WDFY2: variants seen among roughly 807,000 people sequenced by gnomAD.
WDFY2 encodes the protein WD repeat and FYVE domain-containing protein 2.
In WDFY2, 36 loss-of-function variants were observed where a neutral mutation model predicts 56.4. The ratio of observed to expected loss-of-function variants is 0.64; its 90% CI spans 0.49 to 0.84. WDFY2 has a LOEUF of 0.84. WDFY2 is among the 40% of genes least tolerant of loss of function. The probability of loss-of-function intolerance (pLI) is 0.00; values close to 1 mark genes in which losing one functional copy is unlikely to be tolerated. For synonymous variants in WDFY2, 176 were observed against 183.7 expected, an observed-to-expected ratio of 0.96 and a Z score of 0.34; for missense variants, 444 against 512.2, an observed-to-expected ratio of 0.87 and a Z score of 1.29.
intron 7 of WDFY2, among the ~76,000 whole-genome samples, chr13:51,744,943 T>C (rs1359026668): frequency 6.6e-6 from 1 of 152,224 alleles, no homozygotes; most frequent in African/African-American, 2.4e-5. Flanking sequence ...AGCTTTATTA[T>C]CAAACTTGGA....
rs1036563168 is a variant in WDFY2, at chr13:51,759,865, T to A, written c.*96T>A. On this transcript the variant is annotated 3_prime_UTR_variant, in exon 12 of 12. Coordinates refer to ENST00000298125, the MANE Select transcript of WDFY2 (RefSeq NM_052950.4). ...AGTGGTAAAGCAGACATGTGAGAAG[T>A]AAGAAAGAAACTAAAGACCCTGAAT... The A allele has an allele frequency of 2.5e-5, 35 of 1,374,438 alleles. No homozygotes were observed. Among genetic ancestry groups the A allele is most frequent in the African/African-American group, 2.2e-4 (15 of 68,974 alleles). 85.1% of individuals were successfully genotyped at this position (1,374,438 alleles called of 1,614,324 possible). A position where few individuals can be genotyped will look rare whatever the true frequency, so the allele number is the denominator to read the frequency against.
intron 3 of WDFY2, among the ~76,000 whole-genome samples, chr13:51,688,916 A>G (rs1181016590): frequency 1.3e-5 from 2 of 152,164 alleles, no homozygotes; most frequent in Admixed American, 6.5e-5. Flanking sequence ...TTGTGTATAA[A>G]TGTTATTTAA....
chr13:51,673,696 A>G (rs1262428511), intron 2 of WDFY2, among the ~76,000 whole-genome samples: 2 of 152,174 alleles, frequency 1.3e-5, no homozygotes, highest in African/African-American at 2.4e-5. Flanking sequence ...TTAATATTGT[A>G]TAGAAATTGT....
chr13:51,678,768 A>G (rs1014003263), intron 3 of WDFY2, among the ~76,000 whole-genome samples: 12 of 152,202 alleles, frequency 7.9e-5, no homozygotes, highest in Admixed American at 2.6e-4. Context: ...TTTCATTTTT[A>G]TGAAAAATGA....
chr13:51,632,212 C>T (rs1388784269), intron 1 of WDFY2, among the ~76,000 whole-genome samples: 1 of 151,790 alleles, frequency 6.6e-6, no homozygotes, highest in Non-Finnish European at 1.5e-5. Flanking sequence ...GGTGGAGGAG[C>T]GGATGTCTAT....
intron 3 of WDFY2, among the ~76,000 whole-genome samples, chr13:51,689,627 A>T (rs1464938894): frequency 1.3e-5 from 2 of 152,140 alleles, no homozygotes; most frequent in Admixed American, 6.6e-5. Context: ...CCTTCCCCCA[A>T]CTTTTTAAAA....
chr13:51,751,442 G>A, intron 8 of WDFY2, 27 bp downstream of exon 8: 1 of 1,605,510 alleles, frequency 6.2e-7, no homozygotes, highest in African/African-American at 1.3e-5. Context: ...GGTGGGGTGG[G>A]CCCTGTGGTT....
intron 7 of WDFY2, among the ~76,000 whole-genome samples, chr13:51,742,866 T>C (rs1953005912): frequency 6.6e-6 from 1 of 152,226 alleles, no homozygotes; most frequent in African/African-American, 2.4e-5. Flanking sequence ...TTGATTTCTC[T>C]CTTACTACTC....
rs144875387 is a variant in WDFY2, at chr13:51,683,384, A to G, written c.279+8141A>G. 8.3e-4 allele frequency among the ~76,000 whole-genome samples: 127 copies of G among 152,322 alleles called. 2 individuals are homozygous for G. In the East Asian group the frequency reaches 0.023, roughly 28 times the overall value. On this transcript the variant is annotated intron_variant, in intron 3 of 11. Coordinates refer to ENST00000298125, the MANE Select transcript of WDFY2 (RefSeq NM_052950.4). Reference sequence around the variant, plus strand: ...CTACACATTTGAAAATATTCTCTGTATACACAAATATTTTGCTGATTTTTA... The same window carrying G: ...CTACACATTTGAAAATATTCTCTGTGTACACAAATATTTTGCTGATTTTTA...
chr13:51,724,950 C>G (rs1264294748), intron 5 of WDFY2, among the ~76,000 whole-genome samples: 4 of 152,178 alleles, frequency 2.6e-5, no homozygotes, highest in African/African-American at 9.7e-5. Flanking sequence ...TCAAGTTCAT[C>G]TTGTACTTTT....
chr13:51,726,963 T>C (rs937754942), intron 5 of WDFY2, among the ~76,000 whole-genome samples: 1 of 152,204 alleles, frequency 6.6e-6, no homozygotes, highest in Non-Finnish European at 1.5e-5. Flanking sequence ...TTTTGAGTCA[T>C]AGCTTTTCCC....
intron 1 of WDFY2, among the ~76,000 whole-genome samples, chr13:51,608,972 T>C (rs1454029620): frequency 6.6e-6 from 1 of 152,138 alleles, no homozygotes; most frequent in African/African-American, 2.4e-5. Context: ...TTGGCTGTCA[T>C]CTACAGATGT....
intron 1 of WDFY2, among the ~76,000 whole-genome samples, chr13:51,643,175 C>T (rs1318469428): frequency 6.6e-6 from 1 of 152,188 alleles, no homozygotes; most frequent in Non-Finnish European, 1.5e-5. Flanking sequence ...ACCATCACCA[C>T]TGTCCATTTC....
intron 1 of WDFY2, among the ~76,000 whole-genome samples, chr13:51,612,034 T>C (rs1954513565): frequency 6.6e-6 from 1 of 152,080 alleles, no homozygotes; most frequent in South Asian, 2.1e-4. Context: ...ACTGCTTGAC[T>C]TCTTCTTACC....
At chr13:51,628,238 C>T (rs1954875936) in intron 1 of WDFY2, among the ~76,000 whole-genome samples, 1 of 152,266 alleles carries the variant, frequency 6.6e-6, no homozygotes, top group Non-Finnish European at 1.5e-5. Context: ...CCCTGAGCTC[C>T]TCAGTGCCCA....
At chr13:51,616,253 A>T (rs1400420734) in intron 1 of WDFY2, among the ~76,000 whole-genome samples, 2 of 152,160 alleles carry the variant, frequency 1.3e-5, no homozygotes, top group Non-Finnish European at 2.9e-5. Context: ...AATAAATAAG[A>T]TACTGTATAA....
chr13:51,718,954 A>AGG (rs1952426537), intron 4 of WDFY2, among the ~76,000 whole-genome samples: 2 of 152,244 alleles, frequency 1.3e-5, no homozygotes, highest in Admixed American at 6.5e-5. Context: ...GTGGGGCAGG[A>AGG]GGGGGAACAT....
intron 3 of WDFY2, among the ~76,000 whole-genome samples, chr13:51,683,327 GGTATC>G: frequency 6.6e-6 from 1 of 152,102 alleles, no homozygotes; most frequent in African/African-American, 2.4e-5. Context: ...CAGTCCTGTT[GGTATC>G]AAAATTCTTT....
intron 7 of WDFY2, among the ~76,000 whole-genome samples, chr13:51,740,154 T>C (rs1281679173): frequency 6.6e-6 from 1 of 152,224 alleles, no homozygotes; most frequent in Admixed American, 6.5e-5. Flanking sequence ...TTGTTGGACA[T>C]AAACTAATTA....
Sources: gnomAD v4.1 joint callset for allele counts (sites outside exome capture counted in the v4.1 genomes callset) on GRCh38, gnomAD v4.1.1 for gene constraint, MANE v1.5 for transcripts, NCBI Gene and HGNC (gene_info 2026-07-23, HGNC 2026-07-21) for gene names.